The following AUTS2 variants were observed in gnomAD, a reference collection of about 807,000 sequenced individuals.
AUTS2 encodes the protein autism susceptibility gene 2 protein.
A neutral mutation model predicts 112.4 loss-of-function variants in AUTS2; 17 were observed. The ratio of observed to expected loss-of-function variants is 0.15; its 90% CI spans 0.10 to 0.23. AUTS2 has a LOEUF of 0.23. Ranked by LOEUF, AUTS2 falls within the 10% of genes least tolerant of loss-of-function variation. The pLI, the probability that AUTS2 is intolerant of heterozygous loss-of-function variation, is 1.00. For synonymous variants in AUTS2, 751 were observed against 702.7 expected (o/e 1.07, Z -1.09); for missense variants, 1,510 against 1,701.6 (o/e 0.89, Z 1.98).
At chr7:70,288,140 C>T (rs1404629484) in intron 4 of AUTS2, among the ~76,000 whole-genome samples, 5 of 152,224 alleles carry the variant, frequency 3.3e-5, no homozygotes, top group Middle Eastern at 3.4e-3. Flanking sequence ...AGGCCAGACG[C>T]GGTGACTCAC....
At chr7:70,740,111 C>T (rs955406153) in intron 6 of AUTS2, among the ~76,000 whole-genome samples, 1 of 152,206 alleles carries the variant, frequency 6.6e-6, no homozygotes, top group Non-Finnish European at 1.5e-5. Flanking sequence ...CTGTCATCCC[C>T]ATTTTCCCAG....
chr7:70,340,196 C>CACACACACACACACACA (rs1562892239), intron 4 of AUTS2, among the ~76,000 whole-genome samples: 2 of 97,746 alleles, frequency 2.0e-5, no homozygotes, highest in East Asian at 6.1e-4. Context: ...ACACACACAC[C>CACACACACACACACACA]CCGTAATAAG....
At chr7:70,598,630 T>C (rs921830929) in intron 5 of AUTS2, among the ~76,000 whole-genome samples, 1 of 152,192 alleles carries the variant, frequency 6.6e-6, no homozygotes, top group Admixed American at 6.5e-5. Context: ...CAAGGATTGC[T>C]GTCCTCTCAG....
intron 2 of AUTS2, among the ~76,000 whole-genome samples, chr7:69,976,654 G>A (rs1477796785): frequency 6.6e-6 from 1 of 152,142 alleles, no homozygotes; most frequent in Non-Finnish European, 1.5e-5. Context: ...TTTCTTGATA[G>A]TAGCAATCTC....
At chr7:69,846,245 T>G (rs1792195829) in intron 1 of AUTS2, among the ~76,000 whole-genome samples, 1 of 152,228 alleles carries the variant, frequency 6.6e-6, no homozygotes, top group South Asian at 2.1e-4. Flanking sequence ...ATGATTATTC[T>G]GGACTCTGTG....
intron 1 of AUTS2, among the ~76,000 whole-genome samples, chr7:69,620,696 T>C (rs1793614040): frequency 6.6e-6 from 1 of 152,224 alleles, no homozygotes; most frequent in Non-Finnish European, 1.5e-5. Flanking sequence ...GTTGTTTCAC[T>C]AGCTTTTGAT....
intron 5 of AUTS2, among the ~76,000 whole-genome samples, chr7:70,690,420 G>A (rs1808697150): frequency 6.6e-6 from 1 of 152,180 alleles, no homozygotes; most frequent in South Asian, 2.1e-4. Context: ...AAGGTTCGAG[G>A]AAATTCTGGT....
At chr7:70,688,071 C>G (rs1808559507) in intron 5 of AUTS2, among the ~76,000 whole-genome samples, 1 of 152,152 alleles carries the variant, frequency 6.6e-6, no homozygotes, top group African/African-American at 2.4e-5. Context: ...TGAGTAAGAG[C>G]AGTGGGCACC....
Position 69,623,413 on chromosome 7 carries a change from G to T in AUTS2, c.309+23451G>T, listed in dbSNP as rs369200520. 4.8e-3 allele frequency among the ~76,000 whole-genome samples: 623 copies of T among 130,668 alleles called. 8 individuals are homozygous for T. Among genetic ancestry groups the T allele is most frequent in the African/African-American group, 0.017 (579 of 34,622 alleles). 85.7% of individuals were successfully genotyped at this position (130,668 alleles called of 152,430 possible). ...TTTTTTTTTTTTTTTTTTTGCAGGG[G>T]TAGAGACAGGGTTTCACCATGTTGC... is the stretch of plus-strand genomic sequence containing the variant. On this transcript the variant is annotated intron_variant, in intron 1 of 18. Coordinates refer to ENST00000342771, the MANE Select transcript of AUTS2 (RefSeq NM_015570.4).
chr7:70,669,702 C>T (rs753556044), intron 5 of AUTS2, among the ~76,000 whole-genome samples: 3 of 152,240 alleles, frequency 2.0e-5, no homozygotes, highest in Non-Finnish European at 4.4e-5. Flanking sequence ...TTTCTTGTCT[C>T]TCCTTTGAGA....
chr7:69,920,344 G>A (rs1795759433), intron 2 of AUTS2, among the ~76,000 whole-genome samples: 1 of 151,602 alleles, frequency 6.6e-6, no homozygotes, highest in Non-Finnish European at 1.5e-5. Flanking sequence ...TCAGGTTGAA[G>A]TGCAGTGGTA....
chr7:70,518,666 G>A (rs900781942), intron 5 of AUTS2, among the ~76,000 whole-genome samples: 2 of 150,242 alleles, frequency 1.3e-5, no homozygotes, highest in Admixed American at 1.3e-4. Flanking sequence ...CTGGGCGACA[G>A]AGTGAGACTC....
At chr7:70,092,752 GC>G (rs974191343) in intron 2 of AUTS2, among the ~76,000 whole-genome samples, 15 of 152,236 alleles carry the variant, frequency 9.9e-5, no homozygotes, top group African/African-American at 3.6e-4. Flanking sequence ...TTTTTAATGG[GC>G]CAGCACAGCT....
intron 1 of AUTS2, among the ~76,000 whole-genome samples, chr7:69,640,654 T>G (rs935584103): frequency 2.6e-5 from 4 of 152,250 alleles, no homozygotes; most frequent in African/African-American, 9.6e-5. Flanking sequence ...GCCCTGAGAT[T>G]ACCTGCCTTC....
At chr7:70,538,754 C>T (rs1195949080) in intron 5 of AUTS2, among the ~76,000 whole-genome samples, 2 of 152,218 alleles carry the variant, frequency 1.3e-5, no homozygotes, top group Non-Finnish European at 2.9e-5. Flanking sequence ...AGGCTTCTGA[C>T]ACCAGACCTT....
intron 5 of AUTS2, among the ~76,000 whole-genome samples, chr7:70,612,513 T>C (rs1210986970): frequency 1.3e-5 from 2 of 152,016 alleles, no homozygotes; most frequent in Non-Finnish European, 2.9e-5. Flanking sequence ...ACCCTGGAGA[T>C]GATCTAGTAT....
chr7:70,221,483 A>G (rs368034095), intron 4 of AUTS2, among the ~76,000 whole-genome samples: 2 of 152,216 alleles, frequency 1.3e-5, no homozygotes, highest in East Asian at 3.8e-4. Context: ...TCATCACCTC[A>G]GGAAGTTCCT....
chr7:70,576,127 C>T lies in AUTS2; in HGVS notation c.691-122442C>T, dbSNP rs549793877. Among the ~76,000 whole-genome samples the T allele has an allele frequency of 5.3e-5, 8 of 152,222 alleles. No homozygotes were observed. The East Asian group carries it at 1.5e-3, about 29-fold the overall frequency. On this transcript the variant is annotated intron_variant, in intron 5 of 18. Transcript: ENST00000342771. ...CCAAAGCAGACTCTAGGCAGATGTA[C>T]ATTTTTTATTGCACTTGAGTCCCAA...
In AUTS2 at chr7:69,742,151, C is replaced by A. The variant is rs931698265; in HGVS notation, c.309+142189C>A. On this transcript the variant is annotated intron_variant, in intron 1 of 18. Transcript: ENST00000342771. ...TTTTTGAGGGGGGAGGGCAGATGGT[C>A]TTTTAGATTTACCTATGTATTTGAC... Among the ~76,000 whole-genome samples the A allele has an allele frequency of 2.3e-5, 3 of 131,998 alleles. No homozygotes were observed. In the Admixed American group the frequency reaches 2.4e-4, roughly 10 times the overall value. The allele number at this position is 131,998 out of a possible 152,430, so 86.6% of individuals were successfully genotyped here. A position where few individuals can be genotyped will look rare whatever the true frequency, so the allele number is the denominator to read the frequency against.
Sources: gnomAD v4.1 joint callset for allele counts (sites outside exome capture counted in the v4.1 genomes callset) on GRCh38, gnomAD v4.1.1 for gene constraint, MANE v1.5 for transcripts, NCBI Gene and HGNC (gene_info 2026-07-23, HGNC 2026-07-21) for gene names.